Variants in ACAP2 observed in about 807,000 individuals in gnomAD.
ACAP2 encodes the protein ArfGAP with coiled-coil, ankyrin repeat and PH domains 2, also known as arf-GAP with coiled-coil, ANK repeat and PH domain-containing protein 2.
Under a neutral mutation model 115.8 loss-of-function variants are expected in ACAP2, and 39 were observed. The ratio of observed to expected loss-of-function variants is 0.34; its 90% CI spans 0.26 to 0.44. ACAP2 has a LOEUF of 0.44. Ranked by LOEUF, ACAP2 falls within the 20% of genes least tolerant of loss-of-function variation. The probability of loss-of-function intolerance (pLI) is 1.00; values close to 1 mark genes in which losing one functional copy is unlikely to be tolerated. For synonymous variants in ACAP2, 289 were observed against 315.8 expected, an observed-to-expected ratio of 0.92 and a Z score of 0.90; for missense variants, 662 against 927.6, an observed-to-expected ratio of 0.71 and a Z score of 3.72.
At chr3:195,436,135 T>TA (rs1560371643) in intron 1 of ACAP2, among the ~76,000 whole-genome samples, 4 of 133,168 alleles carry the variant, frequency 3.0e-5, no homozygotes, top group African/African-American at 1.2e-4. Context: ...ATATATATAT[T>TA]TTTTTTTTTT....
At chr3:195,307,078 C>T in intron 12 of ACAP2, 145 bp downstream of exon 12, 1 of 548,174 alleles carries the variant, frequency 1.8e-6, no homozygotes, top group Non-Finnish European at 3.2e-6. Flanking sequence ...TATCTGTAAC[C>T]ATTAATTATT....
chr3:195,374,568 G>T (rs924950723), intron 4 of ACAP2, among the ~76,000 whole-genome samples: 3 of 152,180 alleles, frequency 2.0e-5, no homozygotes, highest in Non-Finnish European at 4.4e-5. Context: ...GGGGAAAAGG[G>T]CAACAAATAT....
intron 4 of ACAP2, chr3:195,349,794 A>G: frequency 3.0e-6 from 1 of 337,886 alleles, no homozygotes; most frequent in Non-Finnish European, 5.8e-6. Flanking sequence ...AGGCACTCAA[A>G]GAGATCCAGA....
At chr3:195,348,204 T>C (rs1731309537) in intron 4 of ACAP2, among the ~76,000 whole-genome samples, 1 of 152,134 alleles carries the variant, frequency 6.6e-6, no homozygotes, top group Non-Finnish European at 1.5e-5. Flanking sequence ...CAGCATAATA[T>C]ACCTTTGGGG....
chr3:195,317,781 ATCCTATT>A (rs1395553774), intron 10 of ACAP2, among the ~76,000 whole-genome samples: 3 of 152,354 alleles, frequency 2.0e-5, no homozygotes, highest in Admixed American at 2.0e-4. Context: ...TATGAAAAAA[ATCCTATT>A]TCCTAAAACT....
chr3:195,437,683 C>T (rs1715648737), intron 1 of ACAP2, among the ~76,000 whole-genome samples: 1 of 151,532 alleles, frequency 6.6e-6, no homozygotes, highest in South Asian at 2.1e-4. Context: ...GGTGTGGTGG[C>T]AGGCGCCTGT....
chr3:195,387,014 A>C (rs1734352119), intron 2 of ACAP2, among the ~76,000 whole-genome samples: 1 of 152,140 alleles, frequency 6.6e-6, no homozygotes, highest in Admixed American at 6.5e-5. Flanking sequence ...AGTAGAACAG[A>C]GGTCACCATC....
chr3:195,397,665 T>G (rs954178390), intron 1 of ACAP2, among the ~76,000 whole-genome samples: 4 of 152,126 alleles, frequency 2.6e-5, no homozygotes, highest in African/African-American at 9.7e-5. Context: ...ATTAGCTGTG[T>G]AATGATGAAC....
intron 6 of ACAP2, among the ~76,000 whole-genome samples, chr3:195,339,755 A>T (rs1730748917): frequency 2.0e-5 from 3 of 152,000 alleles, no homozygotes; most frequent in Admixed American, 2.0e-4. Flanking sequence ...TTACATATGG[A>T]CATCCAAGAA....
intron 2 of ACAP2, among the ~76,000 whole-genome samples, chr3:195,382,741 A>G (rs1734033542): frequency 6.6e-6 from 1 of 152,128 alleles, no homozygotes; most frequent in Admixed American, 6.6e-5. Context: ...AGCATAAATT[A>G]AAACTGCTGC....
At chr3:195,373,669 C>T (rs1293528083) in intron 4 of ACAP2, among the ~76,000 whole-genome samples, 3 of 152,144 alleles carry the variant, frequency 2.0e-5, no homozygotes, top group Non-Finnish European at 4.4e-5. Flanking sequence ...GTGGCTCACA[C>T]CTGTAATCCC....
intron 1 of ACAP2, among the ~76,000 whole-genome samples, chr3:195,437,787 C>T (rs1184793734): frequency 7.3e-6 from 1 of 136,902 alleles, no homozygotes; most frequent in East Asian, 2.2e-4. Flanking sequence ...TGCACTCCAG[C>T]CTGGGCGACA....
chr3:195,309,768 CA>C (rs1435216815), intron 10 of ACAP2, among the ~76,000 whole-genome samples: 1 of 152,114 alleles, frequency 6.6e-6, no homozygotes, highest in Non-Finnish European at 1.5e-5. Context: ...GTTATTACTA[CA>C]AATGATTCAC....
At chr3:195,384,495 G>C (rs1197702658) in intron 2 of ACAP2, among the ~76,000 whole-genome samples, 1 of 152,200 alleles carries the variant, frequency 6.6e-6, no homozygotes, top group Non-Finnish European at 1.5e-5. Context: ...GGGAGGCCAA[G>C]TTGGGCAGAT....
intron 17 of ACAP2, chr3:195,295,251 A>C: frequency 7.7e-7 from 1 of 1,291,574 alleles, no homozygotes; most frequent in African/African-American, 1.5e-5. Context: ...CTAGCTCATC[A>C]GGACAAAACA....
At chr3:195,372,025 C>T (rs1733184675) in intron 4 of ACAP2, among the ~76,000 whole-genome samples, 1 of 152,172 alleles carries the variant, frequency 6.6e-6, no homozygotes, top group South Asian at 2.1e-4. Context: ...AGCAGAATTA[C>T]ATTCATACAG....
intron 15 of ACAP2, among the ~76,000 whole-genome samples, chr3:195,300,341 G>A (rs372943058): frequency 5.9e-5 from 9 of 152,090 alleles, no homozygotes; most frequent in African/African-American, 1.4e-4. Flanking sequence ...CACCGCACCC[G>A]GCCACAGGAT....
intron 1 of ACAP2, among the ~76,000 whole-genome samples, chr3:195,415,204 T>C (rs1713617232): frequency 6.6e-6 from 1 of 152,150 alleles, no homozygotes; most frequent in African/African-American, 2.4e-5. Context: ...AGGTTCTATG[T>C]GTCAGAGCAG....
At chr3:195,286,455 G>A (rs1726851100) in intron 21 of ACAP2, among the ~76,000 whole-genome samples, 2 of 152,206 alleles carry the variant, frequency 1.3e-5, no homozygotes, top group South Asian at 4.1e-4. Context: ...AAGAAGCTAA[G>A]TATTTCCTTT....
Sources: gnomAD v4.1 joint callset for allele counts (sites outside exome capture counted in the v4.1 genomes callset) on GRCh38, gnomAD v4.1.1 for gene constraint, MANE v1.5 for transcripts, NCBI Gene and HGNC (gene_info 2026-07-23, HGNC 2026-07-21) for gene names.